Variants in KCNMA1 observed in about 807,000 individuals in gnomAD.
KCNMA1 encodes the protein Calcium-activated potassium channel subunit alpha-1.
Under a neutral mutation model 140.0 loss-of-function variants are expected in KCNMA1, and 29 were observed. That is an observed-to-expected ratio of 0.21 (90% CI 0.15 to 0.28). The LOEUF is 0.28. KCNMA1 is among the 10% of genes least tolerant of loss of function. KCNMA1 has a pLI of 1.00. For missense variants in KCNMA1, 880 were observed against 1,602.2 expected, an observed-to-expected ratio of 0.55 and a Z score of 7.70; for synonymous variants, 612 against 611.9, an observed-to-expected ratio of 1.00 and a Z score of 0.00.
chr10:76,975,089 T>C (rs1056164232), intron 19 of KCNMA1, among the ~76,000 whole-genome samples: 3 of 152,144 alleles, frequency 2.0e-5, no homozygotes, highest in African/African-American at 7.2e-5. Flanking sequence ...GAAAGACAGA[T>C]CCACGGCATT....
rs1446553430 is a variant in KCNMA1 at position 76,950,428 on chromosome 10, AGAG to A, written c.2485-1065_2485-1063del. 1.1e-4 allele frequency among the ~76,000 whole-genome samples: 17 copies of A among 152,224 alleles called. 1 individual carries two copies. Among genetic ancestry groups the A allele is most frequent in the Non-Finnish European group, 5.9e-5 (4 of 68,042 alleles). On this transcript the variant is annotated intron_variant, in intron 21 of 27. Transcript: ENST00000286628. ...AATGAAAGAACACAGTCACTCTATT[AGAG>A]GAGAACCCCAACTTCCCAGGAAATA...
At chr10:76,993,981 C>G (rs561185163) in intron 19 of KCNMA1, among the ~76,000 whole-genome samples, 1 of 152,304 alleles carries the variant, frequency 6.6e-6, no homozygotes, top group East Asian at 1.9e-4. Context: ...TTTTTCTCCT[C>G]CCTTGGAGAT....
At chr10:76,881,722 C>A (rs2034736224), downstream of KCNMA1, among the ~76,000 whole-genome samples, 1 of 152,148 alleles carries the variant, frequency 6.6e-6, no homozygotes, top group African/African-American at 2.4e-5. Flanking sequence ...AAATGATGCC[C>A]TTCAGCAGAG....
rs1449900684 is a variant in KCNMA1 at position 76,953,930 on chromosome 10, A to G, written c.2361-6T>C. The stretch of plus-strand genomic sequence containing the variant: ...GAATTAACAAGGGGTCATGCCTGGG[A>G]AGAAAAGGACAGGAAAACCTAAGTG... On this transcript the variant is annotated splice_region_variant and splice_polypyrimidine_tract_variant and intron_variant, in intron 20 of 27. Coordinates refer to ENST00000286628, the MANE Select transcript of KCNMA1 (RefSeq NM_001161352.2). The G allele has an allele frequency of 6.2e-7, 1 of 1,613,936 alleles. No homozygotes were observed. Among genetic ancestry groups the G allele is most frequent in the African/African-American group, 1.3e-5 (1 of 74,918 alleles).
In KCNMA1 at chr10:77,324,971, C is replaced by CTCTCTCTCTGTGTGTGTG. The variant is rs766240356; in HGVS notation, c.541-73716_541-73715insCACACACACAGAGAGAGA. Among the ~76,000 whole-genome samples, 110 of 90,426 alleles carry CTCTCTCTCTGTGTGTGTG rather than the reference C, an allele frequency of 1.2e-3. 1 individual carries two copies. Among genetic ancestry groups the CTCTCTCTCTGTGTGTGTG allele is most frequent in the Non-Finnish European group, 1.8e-3 (84 of 46,686 alleles). 59.3% of individuals were successfully genotyped at this position (90,426 alleles called of 152,430 possible). On this transcript the variant is annotated intron_variant, in intron 2 of 27. Coordinates refer to ENST00000286628, the MANE Select transcript of KCNMA1 (RefSeq NM_001161352.2). ...TCTCTCTCTCTCTCTCTCTCTCTCT[C>CTCTCTCTCTGTGTGTGTG]TGTGTGTGTGTGTGTGTGTGTGTGT...
chr10:77,231,428 C>G (rs924713996), intron 3 of KCNMA1, among the ~76,000 whole-genome samples: 1 of 152,142 alleles, frequency 6.6e-6, no homozygotes, highest in Non-Finnish European at 1.5e-5. Flanking sequence ...GAATATTTTT[C>G]CCTGCTAAAA....
intron 3 of KCNMA1, among the ~76,000 whole-genome samples, chr10:77,215,491 T>C (rs1040592482): frequency 6.6e-6 from 1 of 151,410 alleles, no homozygotes; most frequent in Admixed American, 6.6e-5. Flanking sequence ...GTTTCCAGCA[T>C]AGATCAGGTA....
chr10:77,088,124 C>T (rs1276115157), intron 10 of KCNMA1, among the ~76,000 whole-genome samples: 1 of 152,140 alleles, frequency 6.6e-6, no homozygotes, highest in Admixed American at 6.5e-5. Flanking sequence ...CCATGCCCGG[C>T]TAATTTTTGT....
intron 9 of KCNMA1, 31 bp from the exon 10 acceptor site, chr10:77,090,541 A>C (rs201345614): frequency 2.9e-5 from 42 of 1,450,454 alleles, no homozygotes; most frequent in Non-Finnish European, 4.1e-5. Flanking sequence ...AGATCAGGCC[A>C]GGCACCACGA....
rs533540349 is a variant in KCNMA1 at position 77,575,564 on chromosome 10, C to T, written c.378+61701G>A. 4.6e-5 allele frequency among the ~76,000 whole-genome samples: 7 copies of T among 152,264 alleles called. No individual in the cohort carries two copies. In the South Asian group the frequency reaches 1.5e-3, roughly 32 times the overall value. ...TAAGTCTTAATGCTCCCCAAGGCAC[C>T]TTCCCATCACTGGCAGGCAAACAGA... On this transcript the variant is annotated intron_variant, in intron 1 of 27. Coordinates refer to ENST00000286628, the MANE Select transcript of KCNMA1 (RefSeq NM_001161352.2).
chr10:77,244,875 T>C (rs2058204411), intron 3 of KCNMA1, among the ~76,000 whole-genome samples: 1 of 152,182 alleles, frequency 6.6e-6, no homozygotes, highest in Non-Finnish European at 1.5e-5. Context: ...CCACCATCCC[T>C]GAGTGGGCTC....
At chr10:77,251,152 T>C (rs1291925159) in intron 3 of KCNMA1, 43 bp downstream of exon 3, 17 of 1,435,332 alleles carry the variant, frequency 1.2e-5, no homozygotes, top group Non-Finnish European at 1.6e-5. Context: ...AGGCTCATGA[T>C]TGTTTATGAA....
rs1248161223 is a variant in KCNMA1, at chr10:77,149,453, CCTT to C, written c.809-28408_809-28406del. 2.0e-5 allele frequency among the ~76,000 whole-genome samples: 3 copies of C among 152,174 alleles called. No homozygotes were observed. In the East Asian group the frequency reaches 5.8e-4, roughly 29 times the overall value. On this transcript the variant is annotated intron_variant, in intron 5 of 27. Coordinates refer to ENST00000286628, the MANE Select transcript of KCNMA1 (RefSeq NM_001161352.2). ...AAATAAATGGCTGTGTGACTTGTCT[CCTT>C]CTTTGTGTTCATATCCCAATGTCCA...
rs570277292 is a variant in KCNMA1 at position 77,167,524 on chromosome 10, T to C, written c.808+15897A>G. Reference sequence around the variant, plus strand: ...AGGACAACAGCTGGCACATTACACTTGTTTTAAGGTTTGTTGAGTGAATGA... The same window carrying C: ...AGGACAACAGCTGGCACATTACACTCGTTTTAAGGTTTGTTGAGTGAATGA... On this transcript the variant is annotated intron_variant, in intron 5 of 27. Coordinates refer to ENST00000286628, the MANE Select transcript of KCNMA1 (RefSeq NM_001161352.2). Among the ~76,000 whole-genome samples, 3 of 152,182 alleles carry C rather than the reference T, an allele frequency of 2.0e-5. No individual in the cohort carries two copies. In the East Asian group the frequency reaches 5.8e-4, roughly 29 times the overall value.
chr10:77,084,295 G>C (rs1290121993), intron 12 of KCNMA1, among the ~76,000 whole-genome samples: 1 of 152,152 alleles, frequency 6.6e-6, no homozygotes, highest in East Asian at 1.9e-4. Flanking sequence ...AGATATCTCA[G>C]GCCCATTTCC....
intron 1 of KCNMA1, among the ~76,000 whole-genome samples, chr10:77,447,220 G>A (rs1413563745): frequency 6.6e-6 from 1 of 152,196 alleles, no homozygotes; most frequent in Non-Finnish European, 1.5e-5. Flanking sequence ...CATCTCTGTT[G>A]GATAAATCCA....
chr10:77,053,880 C>T (rs1253381864), intron 14 of KCNMA1, among the ~76,000 whole-genome samples: 1 of 151,988 alleles, frequency 6.6e-6, no homozygotes. Context: ...ATTTTTTTTA[C>T]AGCAGGTAAA....
chr10:77,625,530 G>A (rs1196039862), intron 1 of KCNMA1, among the ~76,000 whole-genome samples: 5 of 151,990 alleles, frequency 3.3e-5, no homozygotes, highest in Non-Finnish European at 7.4e-5. Context: ...CCCTCCCTCT[G>A]GCCCTGGAAA....
chr10:77,112,735 T>C (rs938265087), intron 6 of KCNMA1, among the ~76,000 whole-genome samples: 27 of 152,320 alleles, frequency 1.8e-4, no homozygotes, highest in African/African-American at 6.3e-4. Context: ...ACGCTCTTCA[T>C]TTAGACTGAC....
Sources: gnomAD v4.1 joint callset for allele counts (sites outside exome capture counted in the v4.1 genomes callset) on GRCh38, gnomAD v4.1.1 for gene constraint, MANE v1.5 for transcripts, NCBI Gene and HGNC (gene_info 2026-07-23, HGNC 2026-07-21) for gene names.